RNF130: variants seen among roughly 807,000 people sequenced by gnomAD.
RNF130 encodes ring finger protein 130, also known as E3 ubiquitin-protein ligase RNF130.
Under a neutral mutation model 44.6 loss-of-function variants are expected in RNF130, and 21 were observed. That is an observed-to-expected ratio of 0.47 (90% CI 0.33 to 0.68). The LOEUF (loss-of-function observed/expected upper bound fraction) is 0.68. Among genes scored for constraint, RNF130 ranks in the 30% least tolerant of loss-of-function variants. The pLI, the probability that RNF130 is intolerant of heterozygous loss-of-function variation, is 0.02. For synonymous variants in RNF130, 214 were observed against 210.4 expected (o/e 1.02, Z -0.15); for missense variants, 479 against 560.6 (o/e 0.85, Z 1.47).
At chr5:180,022,774 C>T (rs1295699260) in intron 2 of RNF130, among the ~76,000 whole-genome samples, 1 of 152,234 alleles carries the variant, frequency 6.6e-6, no homozygotes, top group East Asian at 1.9e-4. Flanking sequence ...GAATACTCCT[C>T]TTATCTATGT....
intron 7 of RNF130, among the ~76,000 whole-genome samples, chr5:179,943,296 G>T (rs1467471219): frequency 6.6e-6 from 1 of 152,196 alleles, no homozygotes; most frequent in East Asian, 1.9e-4. Flanking sequence ...TGGGGAATGT[G>T]TGTGAAACCA....
intron 3 of RNF130, among the ~76,000 whole-genome samples, chr5:180,000,105 A>G (rs548820511): frequency 2.0e-5 from 3 of 152,352 alleles, no homozygotes; most frequent in East Asian, 1.9e-4. Flanking sequence ...CTCAAGATGT[A>G]TAACTTTCTC....
At chr5:179,968,162 G>T (rs1309368518) in intron 6 of RNF130, among the ~76,000 whole-genome samples, 1 of 152,102 alleles carries the variant, frequency 6.6e-6, no homozygotes, top group African/African-American at 2.4e-5. Context: ...GGGCATGGTG[G>T]CGGGTGCCTG....
chr5:179,948,214 G>T (rs577000846), intron 7 of RNF130, among the ~76,000 whole-genome samples: 1 of 152,118 alleles, frequency 6.6e-6, no homozygotes, highest in Non-Finnish European at 1.5e-5. Context: ...CAGATATTGC[G>T]AAGATTAAAA....
Position 179,964,052 on chromosome 5 carries a change from G to A in RNF130, c.1151-488C>T, listed in dbSNP as rs571426065. ...GGGTGCTCCCAGCCGTCTGCGAGCC[G>A]GCCTCCCATGGCATCCATGGCTACA... On this transcript the variant is annotated intron_variant, in intron 7 of 8. Transcript: ENST00000521389. The A allele has an allele frequency of 8.3e-5, 13 of 156,146 alleles. No individual in the cohort carries two copies. The South Asian group carries it at 2.1e-3, about 26-fold the overall frequency. 9.7% of individuals were successfully genotyped at this position (156,146 alleles called of 1,614,324 possible).
At chr5:179,978,686 A>G (rs980061390) in intron 4 of RNF130, among the ~76,000 whole-genome samples, 2 of 152,222 alleles carry the variant, frequency 1.3e-5, no homozygotes, top group Admixed American at 6.5e-5. Context: ...TCACTTAAAC[A>G]CACACCTAAG....
intron 1 of RNF130, among the ~76,000 whole-genome samples, chr5:180,054,124 T>A (rs572929611): frequency 6.6e-6 from 1 of 152,170 alleles, no homozygotes; most frequent in African/African-American, 2.4e-5. Flanking sequence ...AGCAAATACA[T>A]TCTTAGAATA....
chr5:180,071,736 G>C lies in RNF130; in HGVS notation c.-34C>G, dbSNP rs751367986. ...CGGCAGCCGCCGCTGCTCGCGGACC[G>C]GGCTCCGGGGCCGGCGCCTAGAGGC... is the stretch of plus-strand genomic sequence containing the variant. On this transcript the variant is annotated 5_prime_UTR_variant, in exon 1 of 9. Coordinates refer to ENST00000521389, the MANE Select transcript of RNF130 (RefSeq NM_018434.6). The C allele has an allele frequency of 1.7e-5, 20 of 1,180,996 alleles. No homozygotes were observed. Among genetic ancestry groups the C allele is most frequent in the African/African-American group, 3.2e-5 (2 of 61,734 alleles). 73.2% of individuals were successfully genotyped at this position (1,180,996 alleles called of 1,614,324 possible). A position where few individuals can be genotyped will look rare whatever the true frequency, so the allele number is the denominator to read the frequency against.
At position 179,977,744 on chromosome 5, in the gene RNF130, C is replaced by T. The variant is rs182641520; in HGVS notation, c.848+459G>A. Among the ~76,000 whole-genome samples, 774 of 152,064 alleles carry T rather than the reference C, an allele frequency of 5.1e-3. 8 individuals carry two copies. The highest frequency in any genetic ancestry group is 0.017 in the African/African-American group (722 of 41,464). Reference sequence around the variant, plus strand: ...GTGGGTACCTGTAGTCCCAGCTACTCGGGAGGCTGAGGCAGGAGAATGGCA... The same window carrying T: ...GTGGGTACCTGTAGTCCCAGCTACTTGGGAGGCTGAGGCAGGAGAATGGCA... On this transcript the variant is annotated intron_variant, in intron 5 of 8. Coordinates refer to ENST00000521389, the MANE Select transcript of RNF130 (RefSeq NM_018434.6). This position sits in a 1 kb window ranked among gnomAD's most constrained non-coding sequence, Gnocchi z 4.1.
intron 2 of RNF130, chr5:180,015,421 C>G (rs186593677): frequency 1.3e-4 from 64 of 504,500 alleles, no homozygotes; most frequent in African/African-American, 1.2e-3. Flanking sequence ...TCAGTTGAGG[C>G]TCCCTCTTGA....
At chr5:180,038,412 T>A (rs1283382880) in intron 2 of RNF130, among the ~76,000 whole-genome samples, 1 of 31,322 alleles carries the variant, frequency 3.2e-5, no homozygotes, top group African/African-American at 6.9e-5. Context: ...GCCTGTTTTG[T>A]TTTTTTTTTT....
chr5:179,971,648 C>T lies in RNF130; in HGVS notation c.849-1142G>A, dbSNP rs1031784322. Among the ~76,000 whole-genome samples the T allele has an allele frequency of 1.2e-4, 19 of 152,274 alleles. No homozygotes were observed. The East Asian group carries it at 1.7e-3, about 14-fold the overall frequency. ...CCTCCCAAAGTGCTGGGATGACAGG[C>T]GTGAGCCACCACACCCGGCCAAGAT... On this transcript the variant is annotated intron_variant, in intron 5 of 8. Transcript: ENST00000521389.
chr5:179,964,994 C>T (rs1762409389), intron 7 of RNF130, among the ~76,000 whole-genome samples: 1 of 152,142 alleles, frequency 6.6e-6, no homozygotes, highest in Non-Finnish European at 1.5e-5. Context: ...AGCCGAATGT[C>T]ATCATCATCA....
At chr5:179,918,223 A>C (rs1284237767) in exon 8 of RNF130, 1 of 152,158 alleles carries the variant, frequency 6.6e-6, no homozygotes, top group Non-Finnish European at 1.5e-5. Context: ...CCTCCTTGTT[A>C]TTCTACCGTG....
At chr5:180,030,609 AGG>A (rs1279187911) in intron 2 of RNF130, among the ~76,000 whole-genome samples, 1 of 152,076 alleles carries the variant, frequency 6.6e-6, no homozygotes, top group Admixed American at 6.5e-5. Flanking sequence ...CCTGGGGTCA[AGG>A]GTGCTCCTGC....
At chr5:180,029,484 A>T (rs1256592733) in intron 2 of RNF130, among the ~76,000 whole-genome samples, 2 of 152,234 alleles carry the variant, frequency 1.3e-5, no homozygotes, top group African/African-American at 4.8e-5. Context: ...AAAAGCTCTA[A>T]CCAAGAACCA....
chr5:179,919,476 T>G (rs1305259037), exon 8 of RNF130: 1 of 152,382 alleles, frequency 6.6e-6, no homozygotes, highest in African/African-American at 2.4e-5. Context: ...CTGCTGGCCA[T>G]CCCCCTGAAA....
chr5:179,954,832 T>C (rs1762178169), downstream of RNF130, among the ~76,000 whole-genome samples: 1 of 152,206 alleles, frequency 6.6e-6, no homozygotes, highest in Non-Finnish European at 1.5e-5. Context: ...AGGTAGAAGA[T>C]TAAGAATTCA....
chr5:180,011,990 T>G (rs1206428212), intron 3 of RNF130, among the ~76,000 whole-genome samples: 3 of 152,076 alleles, frequency 2.0e-5, no homozygotes, highest in East Asian at 3.9e-4. Flanking sequence ...CTGCAGTCAG[T>G]GTTTGGGTAT....
Sources: gnomAD v4.1 joint callset for allele counts (sites outside exome capture counted in the v4.1 genomes callset) on GRCh38, gnomAD v4.1.1 for gene constraint, Gnocchi (gnomAD v3.1) non-coding constraint, MANE v1.5 for transcripts, NCBI Gene and HGNC (gene_info 2026-07-23, HGNC 2026-07-21) for gene names.